TBPL1: variants seen among roughly 807,000 people sequenced by gnomAD.
TBPL1 encodes TATA-box binding protein like 1.
Under a neutral mutation model 22.1 loss-of-function variants are expected in TBPL1, and 4 were observed. The ratio of observed to expected loss-of-function variants is 0.18; its 90% CI spans 0.09 to 0.41. TBPL1 has a LOEUF of 0.41. TBPL1 is among the 10% of genes least tolerant of loss of function. The pLI is 1.00. For synonymous variants in TBPL1, 64 were observed against 71.0 expected (o/e 0.90, Z 0.50); for missense variants, 115 against 222.3 (o/e 0.52, Z 3.07).
At chr6:133,972,075 CA>C (rs1776231725) in intron 1 of TBPL1, among the ~76,000 whole-genome samples, 1 of 152,086 alleles carries the variant, frequency 6.6e-6, no homozygotes, top group Non-Finnish European at 1.5e-5. Flanking sequence ...TGTTTGGTGG[CA>C]AGATTCCAGA....
At position 133,982,898 on chromosome 6, in the gene TBPL1, T is replaced by A; in HGVS notation, c.282+18T>A. The A allele has an allele frequency of 6.3e-7, 1 of 1,588,058 alleles. No homozygotes were observed. Among genetic ancestry groups the A allele is most frequent in the South Asian group, 1.2e-5 (1 of 86,516 alleles). Reference sequence around the variant, plus strand: ...GTTTTCAGGTAACGTTTTCAAATAGTATCTAAACTACAAATATTCAAGGAC... The same window carrying A: ...GTTTTCAGGTAACGTTTTCAAATAGAATCTAAACTACAAATATTCAAGGAC... On this transcript the variant is annotated intron_variant, in intron 4 of 6. Coordinates refer to ENST00000237264, the MANE Select transcript of TBPL1 (RefSeq NM_004865.4).
chr6:133,974,932 C>T (rs554576499), intron 1 of TBPL1, among the ~76,000 whole-genome samples: 35 of 152,256 alleles, frequency 2.3e-4, no homozygotes, highest in African/African-American at 8.4e-4. Context: ...AATGAAAACA[C>T]ATATCCAACT....
intron 1 of TBPL1, among the ~76,000 whole-genome samples, chr6:133,967,443 T>C (rs1383444186): frequency 6.6e-6 from 1 of 152,162 alleles, no homozygotes; most frequent in Non-Finnish European, 1.5e-5. Context: ...TTTAAAGAAA[T>C]ACAAATGGTT....
intron 1 of TBPL1, among the ~76,000 whole-genome samples, chr6:133,956,433 A>C (rs190273618): frequency 7.9e-5 from 12 of 152,324 alleles, no homozygotes; most frequent in African/African-American, 2.6e-4. Context: ...GTGTGTAATA[A>C]AACATGACAG....
chr6:133,959,585 A>G (rs915947677), intron 1 of TBPL1, among the ~76,000 whole-genome samples: 1 of 151,100 alleles, frequency 6.6e-6, no homozygotes, highest in African/African-American at 2.4e-5. Context: ...GGGTTCAAGC[A>G]ATTCTCCTGC....
intron 6 of TBPL1, 108 bp downstream of exon 6, chr6:133,984,779 C>A: frequency 1.1e-6 from 1 of 928,188 alleles, no homozygotes; most frequent in Non-Finnish European, 1.6e-6. Context: ...GTCACTTCTG[C>A]CCTTTAGAGG....
At position 133,984,365 on chromosome 6, in the gene TBPL1, C is replaced by T; in HGVS notation, c.283-11C>T. 1.9e-6 allele frequency: 3 copies of T among 1,565,208 alleles called. No individual in the cohort carries two copies. Among genetic ancestry groups the T allele is most frequent in the Admixed American group, 1.8e-5 (1 of 54,410 alleles). On this transcript the variant is annotated splice_polypyrimidine_tract_variant and intron_variant, in intron 4 of 6. Transcript: ENST00000237264. ...AAAATAAATTTATTGAATTTTACTT[C>T]TCTCCTAAAGGTAATATTTACAGAT...
intron 6 of TBPL1, among the ~76,000 whole-genome samples, chr6:133,985,051 G>A (rs1050825653): frequency 1.1e-4 from 17 of 151,444 alleles, no homozygotes; most frequent in African/African-American, 3.2e-4. Context: ...AGGCTGAGGC[G>A]GGCTTATCAC....
intron 1 of TBPL1, among the ~76,000 whole-genome samples, chr6:133,956,933 CA>C (rs764305903): frequency 5.9e-5 from 9 of 152,076 alleles, no homozygotes; most frequent in Non-Finnish European, 1.0e-4. Context: ...GCTACATAGA[CA>C]AATTTGATTT....
intron 1 of TBPL1, among the ~76,000 whole-genome samples, chr6:133,965,096 A>C (rs1776096297): frequency 6.6e-6 from 1 of 152,204 alleles, no homozygotes; most frequent in African/African-American, 2.4e-5. Flanking sequence ...TCTTTTAGCT[A>C]CCCTAGTGAA....
chr6:133,982,853 C>T lies in TBPL1; in HGVS notation c.255C>T (p.Ala85=). The change falls in exon 4 of 7, where the codon GCC becomes GCT. Residue 85 remains alanine (A), a synonymous_variant. Transcript: ENST00000237264. The part of the protein sequence containing the change: ...EEAKFGARRL[A]RSLQKLGFQV... ...CTAAATTTGGTGCCAGACGCTTAGC[C>T]CGTAGTCTGCAGAAACTAGGTTTTC... The T allele has an allele frequency of 6.2e-7, 1 of 1,610,526 alleles. No homozygotes were observed. Among genetic ancestry groups the T allele is most frequent in the South Asian group, 1.1e-5 (1 of 89,898 alleles).
chr6:133,976,118 G>C (rs953851474), intron 1 of TBPL1, among the ~76,000 whole-genome samples: 2 of 152,072 alleles, frequency 1.3e-5, no homozygotes, highest in African/African-American at 4.8e-5. Flanking sequence ...TTGTGTCAAA[G>C]GGCTTGTAGG....
chr6:133,960,325 G>A (rs956042609), intron 1 of TBPL1, among the ~76,000 whole-genome samples: 1 of 152,088 alleles, frequency 6.6e-6, no homozygotes, highest in East Asian at 1.9e-4. Flanking sequence ...CCCTCAGTAA[G>A]GGATGCTGAG....
intron 1 of TBPL1, among the ~76,000 whole-genome samples, chr6:133,961,984 G>A (rs1024914331): frequency 6.6e-5 from 10 of 152,060 alleles, no homozygotes; most frequent in African/African-American, 2.2e-4. Flanking sequence ...GTGTCTACCC[G>A]CAGAGCTTGG....
chr6:133,960,807 A>G (rs1776010455), intron 1 of TBPL1, among the ~76,000 whole-genome samples: 1 of 152,200 alleles, frequency 6.6e-6, no homozygotes, highest in African/African-American at 2.4e-5. Context: ...GCTGTAGGCT[A>G]TAGAACATGG....
upstream of TBPL1, chr6:133,953,193 C>T (rs1190701951): frequency 1.3e-5 from 2 of 152,710 alleles, no homozygotes; most frequent in Non-Finnish European, 2.9e-5. Context: ...AGCGTCTAGT[C>T]TATTTATTGT....
At chr6:133,968,490 T>C (rs1414363766) in intron 1 of TBPL1, among the ~76,000 whole-genome samples, 1 of 152,250 alleles carries the variant, frequency 6.6e-6, no homozygotes, top group Non-Finnish European at 1.5e-5. Context: ...TTGTTAGCAT[T>C]CACTAATACA....
intron 1 of TBPL1, among the ~76,000 whole-genome samples, chr6:133,954,001 G>A (rs969863457): frequency 2.0e-5 from 3 of 152,182 alleles, no homozygotes; most frequent in Admixed American, 2.0e-4. Context: ...CTGAAGAAGA[G>A]AAAATGAATT....
chr6:133,979,777 G>C (rs1004994033), intron 1 of TBPL1, among the ~76,000 whole-genome samples: 3 of 152,016 alleles, frequency 2.0e-5, no homozygotes, highest in Non-Finnish European at 2.9e-5. Context: ...CTCCCTAGTA[G>C]CTGGGATTAC....
Sources: allele counts gnomAD v4.1 joint callset (sites outside exome capture counted in the v4.1 genomes callset), GRCh38; gene constraint gnomAD v4.1.1; transcripts MANE v1.5; gene names NCBI Gene and HGNC (gene_info 2026-07-23, HGNC 2026-07-21).